MARCHF8: variants seen among roughly 807,000 people sequenced by gnomAD.
MARCHF8 encodes E3 ubiquitin-protein ligase MARCHF8.
In MARCHF8, 40 loss-of-function variants were observed where a neutral mutation model predicts 51.6. That is an observed-to-expected ratio of 0.77 (90% CI 0.60 to 1.01). The LOEUF (loss-of-function observed/expected upper bound fraction) is 1.01. Among genes scored for constraint, MARCHF8 ranks in the 50% least tolerant of loss-of-function variants. The pLI is 0.00. For synonymous variants in MARCHF8, 263 were observed against 280.3 expected (o/e 0.94, Z 0.62); for missense variants, 685 against 708.6 (o/e 0.97, Z 0.38).
chr10:45,489,759 G>A (rs1019885816), intron 2 of MARCHF8, among the ~76,000 whole-genome samples: 1 of 152,208 alleles, frequency 6.6e-6, no homozygotes, highest in African/African-American at 2.4e-5. Context: ...GGTGATAAGT[G>A]TCTTAAGACA....
intron 3 of MARCHF8, 31 bp from the exon 4 acceptor site, chr10:45,464,358 G>A: frequency 1.9e-6 from 3 of 1,592,566 alleles, no homozygotes; most frequent in Non-Finnish European, 2.6e-6. Context: ...TCAGTGTTCA[G>A]GTAAGAGCCA....
chr10:45,514,361 A>C (rs2043584901), intron 2 of MARCHF8, among the ~76,000 whole-genome samples: 1 of 152,248 alleles, frequency 6.6e-6, no homozygotes, highest in African/African-American at 2.4e-5. Flanking sequence ...ACAAGAATGC[A>C]TTGGTGTGCG....
intron 2 of MARCHF8, among the ~76,000 whole-genome samples, chr10:45,511,574 G>A (rs2043506148): frequency 6.6e-6 from 1 of 152,244 alleles, no homozygotes; most frequent in South Asian, 2.1e-4. Flanking sequence ...CACCTGACTG[G>A]TTTTCTTACT....
intron 1 of MARCHF8, among the ~76,000 whole-genome samples, chr10:45,551,408 A>AT (rs879436409): frequency 0.017 from 2,560 of 146,944 alleles, 36 homozygotes; most frequent in East Asian, 0.041. Flanking sequence ...TAGAGATGCA[A>AT]TTTTTTTTTT....
rs575041362 is a variant in MARCHF8 at position 45,528,418 on chromosome 10, C to T, written c.102+4692G>A. On this transcript the variant is annotated intron_variant, in intron 2 of 7. Coordinates refer to ENST00000453424, the MANE Select transcript of MARCHF8 (RefSeq NM_001282866.2). ...TCAGTAGAGTTTCAGGATACAAAATCGACCTACAAAATCAGTAGTATTTCT... is the reference window on the plus strand; with the variant it reads ...TCAGTAGAGTTTCAGGATACAAAATTGACCTACAAAATCAGTAGTATTTCT... 3.3e-5 allele frequency among the ~76,000 whole-genome samples: 5 copies of T among 152,270 alleles called. No individual in the cohort carries two copies. The South Asian group carries it at 8.3e-4, about 25-fold the overall frequency.
chr10:45,472,250 C>T (rs545781744), intron 3 of MARCHF8, among the ~76,000 whole-genome samples: 2 of 152,290 alleles, frequency 1.3e-5, no homozygotes, highest in African/African-American at 4.8e-5. Flanking sequence ...TTATCATATC[C>T]TTGTACCCTA....
chr10:45,491,996 T>C (rs1368023108), intron 2 of MARCHF8, among the ~76,000 whole-genome samples: 2 of 152,266 alleles, frequency 1.3e-5, no homozygotes, highest in Admixed American at 6.5e-5. Flanking sequence ...AACTACCTGC[T>C]AACTTAACAT....
chr10:45,465,188 G>C (rs1222702776), intron 3 of MARCHF8, among the ~76,000 whole-genome samples: 1 of 152,134 alleles, frequency 6.6e-6, no homozygotes, highest in Non-Finnish European at 1.5e-5. Flanking sequence ...GCCAGCCTCG[G>C]ATTCCCCAGG....
At chr10:45,516,377 C>G (rs988988801) in intron 2 of MARCHF8, among the ~76,000 whole-genome samples, 9 of 152,156 alleles carry the variant, frequency 5.9e-5, no homozygotes, top group Admixed American at 2.6e-4. Context: ...TCTCAAACTC[C>G]TGGCCTCAAG....
Position 45,501,056 on chromosome 10 carries a change from A to G in MARCHF8, c.103-11639T>C, listed in dbSNP as rs554954949. On this transcript the variant is annotated intron_variant, in intron 2 of 7. Coordinates refer to ENST00000453424, the MANE Select transcript of MARCHF8 (RefSeq NM_001282866.2). ...ATATAAAAATACATACTGTTCCTGG[A>G]ATGAAAAATTCAATATAATGTAAGC... 3.0e-4 allele frequency among the ~76,000 whole-genome samples: 46 copies of G among 152,178 alleles called. No homozygotes were observed. The South Asian group carries it at 5.6e-3, about 19-fold the overall frequency.
At chr10:45,564,619 CT>C (rs1310356788) in intron 1 of MARCHF8, among the ~76,000 whole-genome samples, 1 of 152,040 alleles carries the variant, frequency 6.6e-6, no homozygotes, top group Admixed American at 6.5e-5. Context: ...AAAATACTGA[CT>C]TATAAATCCA....
chr10:45,585,147 G>C (rs947846905), intron 1 of MARCHF8, among the ~76,000 whole-genome samples: 1 of 152,150 alleles, frequency 6.6e-6, no homozygotes, highest in African/African-American at 2.4e-5. Context: ...CTCTAAGTTT[G>C]TGGTAATTAG....
At chr10:45,498,119 A>C (rs2043208111) in intron 2 of MARCHF8, among the ~76,000 whole-genome samples, 1 of 152,200 alleles carries the variant, frequency 6.6e-6, no homozygotes, top group South Asian at 2.1e-4. Flanking sequence ...TCTTTTTAAC[A>C]TTTTAATTGT....
intron 3 of MARCHF8, among the ~76,000 whole-genome samples, chr10:45,473,224 C>T (rs147246735): frequency 1.3e-5 from 2 of 152,330 alleles, no homozygotes; most frequent in East Asian, 3.9e-4. Context: ...AGGGTTAGTG[C>T]TCAAATTCAT....
intron 2 of MARCHF8, among the ~76,000 whole-genome samples, chr10:45,532,447 G>T (rs1164559754): frequency 6.6e-6 from 1 of 152,138 alleles, no homozygotes; most frequent in African/African-American, 2.4e-5. Context: ...ATAATGTAAT[G>T]GTATTTGGAG....
intron 1 of MARCHF8, among the ~76,000 whole-genome samples, chr10:45,576,505 C>G (rs928791675): frequency 6.6e-6 from 1 of 152,118 alleles, no homozygotes; most frequent in African/African-American, 2.4e-5. Flanking sequence ...GTACCACCCC[C>G]TCATGGTGTT....
chr10:45,476,732 T>G (rs1207429052), intron 3 of MARCHF8, among the ~76,000 whole-genome samples: 1 of 151,008 alleles, frequency 6.6e-6, no homozygotes, highest in Non-Finnish European at 1.5e-5. Flanking sequence ...ACTTGAAATA[T>G]TCAACAAATA....
chr10:45,491,064 T>C (rs1250762292), intron 2 of MARCHF8, among the ~76,000 whole-genome samples: 1 of 152,170 alleles, frequency 6.6e-6, no homozygotes, highest in Non-Finnish European at 1.5e-5. Flanking sequence ...CCACCATGTC[T>C]GACTAAGTAT....
At chr10:45,580,792 G>A (rs1452702186) in intron 1 of MARCHF8, among the ~76,000 whole-genome samples, 1 of 152,122 alleles carries the variant, frequency 6.6e-6, no homozygotes, top group Admixed American at 6.6e-5. Flanking sequence ...TGTGCGCTAG[G>A]ACCACCGGTG....
Sources: allele counts gnomAD v4.1 joint callset (sites outside exome capture counted in the v4.1 genomes callset), GRCh38; gene constraint gnomAD v4.1.1; transcripts MANE v1.5; gene names NCBI Gene and HGNC (gene_info 2026-07-23, HGNC 2026-07-21).